Variants in PNPLA1 observed in about 807,000 individuals in gnomAD.
PNPLA1 encodes patatin like domain 1, omega-hydroxyceramide transacylase, also known as omega-hydroxyceramide transacylase.
Under a neutral mutation model 51.7 loss-of-function variants are expected in PNPLA1, and 36 were observed. The observed-to-expected ratio is 0.70, with a 90% CI of 0.53 to 0.92. The LOEUF (loss-of-function observed/expected upper bound fraction) is 0.92. PNPLA1 is among the 40% of genes least tolerant of loss of function. PNPLA1 has a pLI of 0.00. For synonymous variants in PNPLA1, 293 were observed against 280.1 expected, an observed-to-expected ratio of 1.05 and a Z score of -0.46; for missense variants, 658 against 682.5, an observed-to-expected ratio of 0.96 and a Z score of 0.40.
chr6:36,268,538 G>A (rs1769816715), upstream of PNPLA1, among the ~76,000 whole-genome samples: 1 of 152,046 alleles, frequency 6.6e-6, no homozygotes, highest in Non-Finnish European at 1.5e-5. Context: ...TCCTCGACCA[G>A]TGCCTGCCTG....
At chr6:36,306,462 G>T in intron 7 of PNPLA1, 86 bp downstream of exon 7, 1 of 1,205,852 alleles carries the variant, frequency 8.3e-7, no homozygotes, top group East Asian at 2.4e-5. Context: ...CACCTTAGCT[G>T]CCCCAGGAAC....
At chr6:36,266,660 G>A (rs1250111949), upstream of PNPLA1, among the ~76,000 whole-genome samples, 1 of 152,176 alleles carries the variant, frequency 6.6e-6, no homozygotes, top group Non-Finnish European at 1.5e-5. Context: ...GGTGGGCAAG[G>A]AGTAAGTGGG....
chr6:36,245,166 G>A (rs1769240781), intron 1 of PNPLA1, among the ~76,000 whole-genome samples: 1 of 152,182 alleles, frequency 6.6e-6, no homozygotes, highest in South Asian at 2.1e-4. Context: ...TGGCCTGTGG[G>A]TGTGACTTCC....
At chr6:36,245,840 G>A (rs902549281) in intron 1 of PNPLA1, among the ~76,000 whole-genome samples, 4 of 152,134 alleles carry the variant, frequency 2.6e-5, no homozygotes, top group Non-Finnish European at 5.9e-5. Context: ...GGAAACCCAG[G>A]CTCCCTGACT....
chr6:36,288,229 C>T (rs1770563861), intron 1 of PNPLA1, among the ~76,000 whole-genome samples: 1 of 152,130 alleles, frequency 6.6e-6, no homozygotes, highest in East Asian at 1.9e-4. Context: ...TTTAGAAAAG[C>T]AATGAAACAA....
chr6:36,284,334 G>T (rs1367836332), intron 1 of PNPLA1, among the ~76,000 whole-genome samples: 2 of 152,218 alleles, frequency 1.3e-5, no homozygotes, highest in Non-Finnish European at 2.9e-5. Flanking sequence ...ATCCATTAAA[G>T]ATGTTGTTTT....
At chr6:36,261,375 G>C (rs1769643846) in intron 1 of PNPLA1, among the ~76,000 whole-genome samples, 1 of 152,224 alleles carries the variant, frequency 6.6e-6, no homozygotes, top group East Asian at 1.9e-4. Context: ...GAACAGCCAG[G>C]GAAGTAAATA....
rs536954494 is a variant in PNPLA1, at chr6:36,303,230, G to A, written c.1384+761G>A. Among the ~76,000 whole-genome samples the A allele has an allele frequency of 2.9e-4, 44 of 152,180 alleles. 2 individuals are homozygous for A. In the South Asian group the frequency reaches 6.6e-3, roughly 23 times the overall value. ...CTGCCTCAGCCTCCCGAGTAGCTGG[G>A]ACTACAGATGCCCGCCACCACGCCT... On this transcript the variant is annotated intron_variant, in intron 6 of 8. Coordinates refer to ENST00000636260, the MANE Select transcript of PNPLA1 (RefSeq NM_001374623.1).
chr6:36,273,844 G>T (rs1472063814), intron 1 of PNPLA1, among the ~76,000 whole-genome samples: 2 of 151,850 alleles, frequency 1.3e-5, no homozygotes, highest in Admixed American at 1.3e-4. Context: ...GGGCTGTGAC[G>T]GTCATGGACG....
At chr6:36,297,248 C>T (rs1055072770) in intron 5 of PNPLA1, among the ~76,000 whole-genome samples, 13 of 152,326 alleles carry the variant, frequency 8.5e-5, no homozygotes, top group African/African-American at 2.6e-4. Flanking sequence ...CTTCCTCTTC[C>T]GATTTGCCAG....
rs750100853 is a variant in PNPLA1, at chr6:36,301,984, G to A, written c.899G>A (p.Arg300Gln). 13 of 1,614,216 alleles carry A rather than the reference G, an allele frequency of 8.1e-6. No individual in the cohort carries two copies. The highest frequency in any genetic ancestry group is 3.3e-5 in the South Asian group (3 of 91,086). ...CGCAGTCAACCAAGCCTTCGAGCACGGCAGGCCAGTCTGGAAGGAGCCACA... is the reference window on the plus strand; with the variant it reads ...CGCAGTCAACCAAGCCTTCGAGCACAGCAGGCCAGTCTGGAAGGAGCCACA... ...PERSQPSLRA[R>Q]QASLEGATQP... Residue 300 changes from arginine (R) to glutamine (Q), a missense_variant, in exon 6 of 9, where the codon CGG becomes CAG. Arg to Gln is a conservative substitution (Grantham distance 43). Transcript: ENST00000636260.
intron 1 of PNPLA1, among the ~76,000 whole-genome samples, chr6:36,276,089 G>T (rs1305235095): frequency 6.6e-6 from 1 of 151,996 alleles, no homozygotes. Flanking sequence ...CTCCCGAGTA[G>T]CTGGGCTTAC....
chr6:36,298,963 T>G (rs1770940259), intron 5 of PNPLA1, among the ~76,000 whole-genome samples: 1 of 152,178 alleles, frequency 6.6e-6, no homozygotes, highest in East Asian at 1.9e-4. Context: ...GGTCTCGATC[T>G]CCTCACCTCG....
At chr6:36,257,922 C>T (rs567229462) in intron 1 of PNPLA1, among the ~76,000 whole-genome samples, 57 of 152,264 alleles carry the variant, frequency 3.7e-4, no homozygotes, top group African/African-American at 1.2e-3. Flanking sequence ...TTTAGCTAGC[C>T]GTTAAATTGG....
chr6:36,248,895 G>A (rs369886430), intron 1 of PNPLA1, among the ~76,000 whole-genome samples: 3 of 152,276 alleles, frequency 2.0e-5, no homozygotes, highest in East Asian at 1.9e-4. Flanking sequence ...TCTGAAAAAG[G>A]GGGGGTGTGG....
Position 36,276,009 on chromosome 6 carries a change from C to T in PNPLA1, c.205+5345C>T, listed in dbSNP as rs573817364. On this transcript the variant is annotated intron_variant, in intron 1 of 8. Transcript: ENST00000636260. ...AGTCTCGCTCTGTTGCCCAGGCTGA[C>T]ATGCAGTGGTGTGATCTCGGCTTAC... Among the ~76,000 whole-genome samples, 4 of 141,826 alleles carry T rather than the reference C, an allele frequency of 2.8e-5. No homozygotes were observed. The East Asian group carries it at 5.9e-4, about 21-fold the overall frequency. The allele number at this position is 141,826 out of a possible 152,430, so 93.0% of individuals were successfully genotyped here.
chr6:36,298,770 G>T (rs1411605426), intron 5 of PNPLA1, among the ~76,000 whole-genome samples: 1 of 152,164 alleles, frequency 6.6e-6, no homozygotes, highest in African/African-American at 2.4e-5. Flanking sequence ...ACGGAGTCTC[G>T]CTCTGTTGTC....
chr6:36,306,452 C>T, intron 7 of PNPLA1, 76 bp downstream of exon 7: 1 of 1,292,148 alleles, frequency 7.7e-7, no homozygotes, highest in African/African-American at 1.5e-5. Context: ...TATCTTCCAC[C>T]ACCTTAGCTG....
intron 1 of PNPLA1, among the ~76,000 whole-genome samples, chr6:36,258,551 T>A (rs934071931): frequency 3.9e-5 from 6 of 152,238 alleles, no homozygotes; most frequent in African/African-American, 1.4e-4. Context: ...TGTGGTCCTA[T>A]GGGAGGTACT....
Sources: allele counts gnomAD v4.1 joint callset (sites outside exome capture counted in the v4.1 genomes callset), GRCh38; gene constraint gnomAD v4.1.1; transcripts MANE v1.5; gene names NCBI Gene and HGNC (gene_info 2026-07-23, HGNC 2026-07-21).